DIS3L2: variants seen among roughly 807,000 people sequenced by gnomAD.
DIS3L2 encodes DIS3-like exonuclease 2.
In DIS3L2, 34 loss-of-function variants were observed where a neutral mutation model predicts 97.5. The ratio of observed to expected loss-of-function variants is 0.35; its 90% confidence interval spans 0.27 to 0.46. The LOEUF is 0.46. DIS3L2 is among the 20% of genes least tolerant of loss of function. The probability of loss-of-function intolerance (pLI) is 1.00; values close to 1 mark genes in which losing one functional copy is unlikely to be tolerated. For missense variants in DIS3L2, 1,038 were observed against 1,146.0 expected, an observed-to-expected ratio of 0.91 and a Z score of 1.36; for synonymous variants, 435 against 445.2, an observed-to-expected ratio of 0.98 and a Z score of 0.29.
chr2:232,149,655 A>G (rs1324792809), intron 8 of DIS3L2, among the ~76,000 whole-genome samples: 1 of 69,964 alleles, frequency 1.4e-5, no homozygotes, highest in Non-Finnish European at 2.4e-5. Context: ...CGCAATAAAC[A>G]TACGTGTGCA....
chr2:232,141,598 C>T (rs1283814564), intron 8 of DIS3L2, among the ~76,000 whole-genome samples: 1 of 152,080 alleles, frequency 6.6e-6, no homozygotes, highest in Non-Finnish European at 1.5e-5. Flanking sequence ...CACAGTGCTG[C>T]TGGCTTTAAT....
At chr2:232,215,015 C>T (rs927772264) in intron 10 of DIS3L2, among the ~76,000 whole-genome samples, 11 of 152,026 alleles carry the variant, frequency 7.2e-5, no homozygotes, top group African/African-American at 9.6e-5. Context: ...TTTTGGGTGA[C>T]GAAAATGTTC....
chr2:232,001,210 A>AT, intron 1 of DIS3L2, among the ~76,000 whole-genome samples: 1 of 152,232 alleles, frequency 6.6e-6, no homozygotes, highest in South Asian at 2.1e-4. Context: ...ATCCTTGCTA[A>AT]CACTTGTTAT....
intron 14 of DIS3L2, 28 bp from the exon 15 acceptor site, chr2:232,329,785 T>TGCCCGGGGGGGCCCCC: frequency 8.0e-5 from 77 of 967,036 alleles, no homozygotes; most frequent in East Asian, 1.2e-4. Flanking sequence ...ACCCCAGCGG[T>TGCCCGGGGGGGCCCCC]CCCTCCCATC....
chr2:232,024,717 A>G (rs1283604037), intron 4 of DIS3L2, among the ~76,000 whole-genome samples: 1 of 151,870 alleles, frequency 6.6e-6, no homozygotes. Flanking sequence ...GCATGAGCTA[A>G]TCTGAACATT....
intron 1 of DIS3L2, among the ~76,000 whole-genome samples, chr2:231,979,044 A>G (rs1693175603): frequency 6.6e-6 from 1 of 152,024 alleles, no homozygotes; most frequent in Non-Finnish European, 1.5e-5. Context: ...ATTTGTCTTT[A>G]TGATTCCTTT....
intron 14 of DIS3L2, among the ~76,000 whole-genome samples, chr2:232,305,387 G>A (rs915325563): frequency 6.6e-6 from 1 of 152,018 alleles, no homozygotes; most frequent in Non-Finnish European, 1.5e-5. Flanking sequence ...CTCATGTTTG[G>A]TTTTTATATT....
intron 6 of DIS3L2, chr2:232,111,287 C>G (rs1030348577): frequency 4.2e-6 from 2 of 470,776 alleles, no homozygotes; most frequent in Non-Finnish European, 8.8e-6. Context: ...ACTTGTACCT[C>G]TATTAGTAGC....
chr2:232,225,923 A>G (rs1187910927), intron 10 of DIS3L2, among the ~76,000 whole-genome samples: 1 of 152,242 alleles, frequency 6.6e-6, no homozygotes, highest in African/African-American at 2.4e-5. Context: ...GACAACCATA[A>G]AAGAGCACTT....
intron 6 of DIS3L2, among the ~76,000 whole-genome samples, chr2:232,118,425 G>T (rs1697792810): frequency 6.6e-6 from 1 of 152,162 alleles, no homozygotes; most frequent in South Asian, 2.1e-4. Context: ...TTCCTTTTGT[G>T]AGTCTTCTTT....
intron 5 of DIS3L2, among the ~76,000 whole-genome samples, chr2:232,058,359 T>TG (rs894001681): frequency 6.6e-6 from 1 of 152,224 alleles, no homozygotes; most frequent in African/African-American, 2.4e-5. Context: ...ATAGAGCTTC[T>TG]GGAATCCAAA....
At chr2:232,329,785 T>TCCCCGGGGGGGGCCCCCCCCCC in intron 14 of DIS3L2, 28 bp from the exon 15 acceptor site, 2 of 967,136 alleles carry the variant, frequency 2.1e-6, no homozygotes. Flanking sequence ...ACCCCAGCGG[T>TCCCCGGGGGGGGCCCCCCCCCC]CCCTCCCATC....
intron 12 of DIS3L2, among the ~76,000 whole-genome samples, chr2:232,255,186 G>C (rs1693526762): frequency 6.6e-6 from 1 of 152,224 alleles, no homozygotes; most frequent in African/African-American, 2.4e-5. Flanking sequence ...AACGGGCAAG[G>C]GGTAGCCCTG....
At chr2:232,070,905 G>A (rs1238364482) in intron 5 of DIS3L2, among the ~76,000 whole-genome samples, 1 of 152,052 alleles carries the variant, frequency 6.6e-6, no homozygotes, top group African/African-American at 2.4e-5. Flanking sequence ...TTAGTTGATT[G>A]TGGTGGCCAT....
rs565580392 is a variant in DIS3L2 at position 232,334,751 on chromosome 2, G to A, written c.2394+16G>A. The A allele has an allele frequency of 1.5e-4, 245 of 1,587,052 alleles. No individual in the cohort carries two copies. The Middle Eastern group carries it at 2.9e-3, about 19-fold the overall frequency. On this transcript the variant is annotated intron_variant, in intron 19 of 20. Coordinates refer to ENST00000325385, the MANE Select transcript of DIS3L2 (RefSeq NM_152383.5). ...CTACTGCAACGTGAGTGCCCTGGGAGAGCCCGGGGGCGGGCAGGGCAGCCC... is the reference window on the plus strand; with the variant it reads ...CTACTGCAACGTGAGTGCCCTGGGAAAGCCCGGGGGCGGGCAGGGCAGCCC...
rs1308323242 is a variant in DIS3L2, at chr2:232,084,634, A to T, written c.367-2853A>T. Among the ~76,000 whole-genome samples the T allele has an allele frequency of 5.9e-5, 9 of 152,258 alleles. No homozygotes were observed. In the South Asian group the frequency reaches 1.4e-3, roughly 25 times the overall value. On this transcript the variant is annotated intron_variant, in intron 5 of 20. Transcript: ENST00000325385. ...TTTTTGTAGTATTAAAGAGAGGGAG[A>T]TATGTCTGTTTCTAACTTCCCATTG... is the stretch of plus-strand genomic sequence containing the variant.
At chr2:232,136,759 A>G in intron 8 of DIS3L2, 40 bp downstream of exon 8, 1 of 1,604,214 alleles carries the variant, frequency 6.2e-7, no homozygotes, top group East Asian at 2.2e-5. Context: ...GGTCACAGGC[A>G]GAACTCAGTT....
At chr2:232,108,712 C>T (rs1265310624) in intron 6 of DIS3L2, among the ~76,000 whole-genome samples, 30 of 152,196 alleles carry the variant, frequency 2.0e-4, no homozygotes, top group Admixed American at 2.0e-3. Flanking sequence ...AGCAAAGTCT[C>T]AGGATACAAA....
chr2:232,318,939 T>C (rs1695352101), intron 14 of DIS3L2, among the ~76,000 whole-genome samples: 1 of 152,220 alleles, frequency 6.6e-6, no homozygotes, highest in South Asian at 2.1e-4. Context: ...CCCAGGAGCA[T>C]TCCAGATACA....
Sources: allele counts gnomAD v4.1 joint callset (sites outside exome capture counted in the v4.1 genomes callset), GRCh38; gene constraint gnomAD v4.1.1; transcripts MANE v1.5; gene names NCBI Gene and HGNC (gene_info 2026-07-23, HGNC 2026-07-21).